Variants in CLMP observed in about 807,000 individuals in gnomAD.
The protein encoded by CLMP is CXADR like cell adhesion molecule, also known as CXADR-like membrane protein.
In CLMP, 27 loss-of-function variants were observed where a neutral mutation model predicts 45.2. The ratio of observed to expected loss-of-function variants is 0.60; its 90% confidence interval spans 0.44 to 0.82. The LOEUF is 0.82. CLMP is among the 40% of genes least tolerant of loss of function. The pLI, the probability that CLMP is intolerant of heterozygous loss-of-function variation, is 0.00. For missense variants in CLMP, 403 were observed against 448.4 expected, an observed-to-expected ratio of 0.90 and a Z score of 0.91; for synonymous variants, 167 against 171.4, an observed-to-expected ratio of 0.97 and a Z score of 0.20.
In CLMP at chr11:123,130,805, T is replaced by C. The variant is rs867833076; in HGVS notation, c.29-32853A>G. Among the ~76,000 whole-genome samples the C allele has an allele frequency of 2.0e-5, 3 of 152,208 alleles. No individual in the cohort carries two copies. In the Middle Eastern group the frequency reaches 0.01, roughly 521 times the overall value. ...AGCAAAAAGTGTGGTAAGTTCTTTGTTTTCCTTCCCCAAATGGAATCGTTT... is the reference window on the plus strand; with the variant it reads ...AGCAAAAAGTGTGGTAAGTTCTTTGCTTTCCTTCCCCAAATGGAATCGTTT... On this transcript the variant is annotated intron_variant, in intron 1 of 6. Transcript: ENST00000448775.
intron 1 of CLMP, among the ~76,000 whole-genome samples, chr11:123,105,971 C>A (rs757335418): frequency 6.6e-6 from 1 of 152,042 alleles, no homozygotes; most frequent in Non-Finnish European, 1.5e-5. Flanking sequence ...CCCACGCCAC[C>A]ACGCCTGGCT....
chr11:123,157,290 T>C (rs10400285), intron 1 of CLMP, among the ~76,000 whole-genome samples: 27,707 of 151,888 alleles, frequency 0.18, 2,697 homozygotes, highest in South Asian at 0.25. Context: ...CGTGGTGGCT[T>C]ATGCCTGTAA....
chr11:123,152,481 C>T (rs1395506817), intron 1 of CLMP, among the ~76,000 whole-genome samples: 1 of 151,436 alleles, frequency 6.6e-6, no homozygotes, highest in Non-Finnish European at 1.5e-5. Context: ...CGAGATCGTG[C>T]CACTGCACTC....
At chr11:123,144,785 C>T (rs1396612404) in intron 1 of CLMP, among the ~76,000 whole-genome samples, 1 of 152,206 alleles carries the variant, frequency 6.6e-6, no homozygotes, top group Non-Finnish European at 1.5e-5. Context: ...GGGATATCTT[C>T]TATCTTGCAG....
At position 123,107,534 on chromosome 11, in the gene CLMP, A is replaced by ATTTTTTTTTTTTTTTTT. The variant is rs370750162; in HGVS notation, c.29-9599_29-9583dup. 3.0e-3 allele frequency among the ~76,000 whole-genome samples: 364 copies of ATTTTTTTTTTTTTTTTT among 123,318 alleles called. 11 individuals carry two copies. Among genetic ancestry groups the ATTTTTTTTTTTTTTTTT allele is most frequent in the African/African-American group, 4.8e-3 (158 of 32,746 alleles). 80.9% of individuals were successfully genotyped at this position (123,318 alleles called of 152,430 possible). ...GTGCGAGCCACCGCACCTGACCTAAATTTTTTTTTTTTTTTTTTTCAGAAA... is the reference window on the plus strand; with the variant it reads ...GTGCGAGCCACCGCACCTGACCTAAATTTTTTTTTTTTTTTTTTTTTTTTTTTTTTTTTTTTCAGAAA... On this transcript the variant is annotated intron_variant, in intron 1 of 6. Transcript: ENST00000448775.
chr11:123,141,059 C>G (rs1291989193), intron 1 of CLMP, among the ~76,000 whole-genome samples: 1 of 152,096 alleles, frequency 6.6e-6, no homozygotes, highest in Non-Finnish European at 1.5e-5. Context: ...TGATTGCAAG[C>G]TTCCCAAGGC....
chr11:123,173,263 G>T (rs1861659828), intron 1 of CLMP, among the ~76,000 whole-genome samples: 1 of 152,244 alleles, frequency 6.6e-6, no homozygotes, highest in Non-Finnish European at 1.5e-5. Flanking sequence ...CCCATGATAT[G>T]AGACTGTTTT....
intron 1 of CLMP, among the ~76,000 whole-genome samples, chr11:123,102,169 G>A (rs1860453380): frequency 6.6e-6 from 1 of 150,698 alleles, no homozygotes. Context: ...GGGTGACAGA[G>A]TAAGACCCTG....
chr11:123,133,859 A>T (rs1861027461), intron 1 of CLMP, among the ~76,000 whole-genome samples: 1 of 151,974 alleles, frequency 6.6e-6, no homozygotes, highest in African/African-American at 2.4e-5. Context: ...CTTAGATCAT[A>T]CCCTTTTCCC....
At chr11:123,175,202 T>A (rs1381792837) in intron 1 of CLMP, among the ~76,000 whole-genome samples, 1 of 151,866 alleles carries the variant, frequency 6.6e-6, no homozygotes, top group African/African-American at 2.4e-5. Flanking sequence ...GACTGGGTAA[T>A]TTATAAAGAA....
Position 123,073,530 on chromosome 11 carries a change from C to A in CLMP, c.1066G>T (p.Ala356Ser). The change falls in exon 7 of 7, where the codon GCA (alanine) becomes TCA (serine). Residue 356 changes from alanine to serine, a missense_variant. Physicochemically the swap from Ala to Ser is moderately conservative, Grantham distance 99 (BLOSUM62 1). Coordinates refer to ENST00000448775, the MANE Select transcript of CLMP (RefSeq NM_024769.5). ...GGGATCATGCTGGGTGTGGTTTCTGCTTTGGTCAGATTAGCATGGTGGACT... is the reference window on the plus strand; with the variant it reads ...GGGATCATGCTGGGTGTGGTTTCTGATTTGGTCAGATTAGCATGGTGGACT... Reference protein sequence around the residue: ...KKVHHANLTKAETTPSMIPSQ... With the variant: ...KKVHHANLTKSETTPSMIPSQ... 1 of 1,614,170 alleles carries A rather than the reference C, an allele frequency of 6.2e-7. No individual in the cohort carries two copies. Among genetic ancestry groups the A allele is most frequent in the Non-Finnish European group, 8.5e-7 (1 of 1,180,036 alleles).
chr11:123,080,927 G>A (rs1378989627), intron 5 of CLMP, among the ~76,000 whole-genome samples: 2 of 152,108 alleles, frequency 1.3e-5, no homozygotes, highest in African/African-American at 2.4e-5. Flanking sequence ...GGCGGATCAC[G>A]AGGTCAGTAG....
chr11:123,092,324 G>T (rs1162506903), intron 2 of CLMP, among the ~76,000 whole-genome samples: 1 of 150,480 alleles, frequency 6.6e-6, no homozygotes, highest in East Asian at 1.9e-4. Context: ...TTGAGACGGA[G>T]CCTAGCTCTG....
At chr11:123,129,406 TATC>T (rs1159778254) in intron 1 of CLMP, among the ~76,000 whole-genome samples, 1 of 142,428 alleles carries the variant, frequency 7.0e-6, no homozygotes, top group African/African-American at 2.6e-5. Context: ...ATAAAATATA[TATC>T]ATATGATATA....
intron 1 of CLMP, among the ~76,000 whole-genome samples, chr11:123,186,521 CTTT>C (rs113644477): frequency 1.4e-5 from 2 of 142,910 alleles, no homozygotes; most frequent in Non-Finnish European, 1.5e-5. Flanking sequence ...AATTTGTGAG[CTTT>C]TTTTTTTTTT....
chr11:123,137,036 C>T (rs1212294395), intron 1 of CLMP, among the ~76,000 whole-genome samples: 1 of 152,018 alleles, frequency 6.6e-6, no homozygotes, highest in Admixed American at 6.6e-5. Flanking sequence ...TCCAGTTTCC[C>T]GAGCCCCGTA....
chr11:123,191,180 G>T (rs1016545184), intron 1 of CLMP, among the ~76,000 whole-genome samples: 2 of 152,276 alleles, frequency 1.3e-5, no homozygotes, highest in African/African-American at 4.8e-5. Flanking sequence ...CAGTCTCTTA[G>T]TTTTCCTCCA....
chr11:123,136,265 G>A (rs1275818684), intron 1 of CLMP: 13 of 652,016 alleles, frequency 2.0e-5, no homozygotes, highest in South Asian at 4.2e-5. Context: ...CATAGATCCC[G>A]AACTGTGGCC....
At chr11:123,094,194 A>G (rs1193317927) in intron 2 of CLMP, among the ~76,000 whole-genome samples, 1 of 152,040 alleles carries the variant, frequency 6.6e-6, no homozygotes, top group South Asian at 2.1e-4. Flanking sequence ...TGCAGCCTCG[A>G]CTTCCCATGC....
Sources: allele counts gnomAD v4.1 joint callset (sites outside exome capture counted in the v4.1 genomes callset), GRCh38; gene constraint gnomAD v4.1.1; transcripts MANE v1.5; gene names NCBI Gene and HGNC (gene_info 2026-07-23, HGNC 2026-07-21).